Variants in CLPSL1 observed in about 807,000 individuals in gnomAD.
The protein encoded by CLPSL1 is colipase like 1.
Under a neutral mutation model 9.3 loss-of-function variants are expected in CLPSL1, and 13 were observed. The observed-to-expected ratio is 1.40, with a 90% confidence interval of 0.91 to 2.22. The LOEUF is 2.22. Ranked by LOEUF, CLPSL1 falls within the 30% of genes most tolerant of loss-of-function variation. The probability of loss-of-function intolerance (pLI) is 0.00; values close to 1 mark genes in which losing one functional copy is unlikely to be tolerated. For missense variants in CLPSL1, 164 were observed against 146.6 expected, an observed-to-expected ratio of 1.12 and a Z score of -0.61; for synonymous variants, 58 against 56.9, an observed-to-expected ratio of 1.02 and a Z score of -0.08.
intron 1 of CLPSL1, among the ~76,000 whole-genome samples, chr6:35,782,570 G>A (rs1038555691): frequency 1.3e-5 from 2 of 152,246 alleles, no homozygotes; most frequent in Non-Finnish European, 2.9e-5. Flanking sequence ...TCTTCAGCCT[G>A]AGGCAGGAGG....
intron 1 of CLPSL1, among the ~76,000 whole-genome samples, chr6:35,783,806 C>CAAA (rs778575275): frequency 2.8e-4 from 30 of 106,030 alleles, no homozygotes; most frequent in East Asian, 5.3e-4. Context: ...ACTCTATCTC[C>CAAA]AAAAAAAAAA....
downstream of CLPSL1, among the ~76,000 whole-genome samples, chr6:35,790,846 G>C (rs1387577629): frequency 6.6e-6 from 1 of 152,230 alleles, no homozygotes; most frequent in African/African-American, 2.4e-5. Flanking sequence ...TTCTCATCCA[G>C]CCTGGGCAGC....
intron 1 of CLPSL1, among the ~76,000 whole-genome samples, chr6:35,784,697 C>T (rs558740496): frequency 1.3e-5 from 2 of 152,128 alleles, no homozygotes; most frequent in African/African-American, 2.4e-5. Flanking sequence ...CCCAGAGGTT[C>T]GAGACCAACC....
At position 35,788,125 on chromosome 6, in the gene CLPSL1, G is replaced by C; in HGVS notation, c.*115G>C. On this transcript the variant is annotated 3_prime_UTR_variant, in exon 3 of 3. Transcript: ENST00000373861. ...CCATGAGTGGAGGGAAGTGGGGAGT[G>C]ATTGAAATAAAGAGCTTTTTCAATG... 1 of 697,834 alleles carries C rather than the reference G, an allele frequency of 1.4e-6. No individual in the cohort carries two copies. Among genetic ancestry groups the C allele is most frequent in the East Asian group, 5.7e-5 (1 of 17,450 alleles). 43.2% of individuals were successfully genotyped at this position (697,834 alleles called of 1,614,324 possible). A position where few individuals can be genotyped will look rare whatever the true frequency, so the allele number is the denominator to read the frequency against.
chr6:35,788,693 AG>A (rs1461199356), downstream of CLPSL1, among the ~76,000 whole-genome samples: 3 of 151,838 alleles, frequency 2.0e-5, no homozygotes, highest in Non-Finnish European at 4.4e-5. Context: ...CAAGAAAAGA[AG>A]GAAGGAAGGA....
At chr6:35,782,741 C>T (rs1317054105) in intron 1 of CLPSL1, among the ~76,000 whole-genome samples, 3 of 151,588 alleles carry the variant, frequency 2.0e-5, no homozygotes, top group Non-Finnish European at 4.4e-5. Flanking sequence ...AAAGACTCCT[C>T]TAGCTATTCT....
chr6:35,785,946 CAA>C (rs35079833), intron 1 of CLPSL1, among the ~76,000 whole-genome samples: 70 of 110,726 alleles, frequency 6.3e-4, no homozygotes, highest in Admixed American at 1.0e-3. Context: ...GAGACTTTGT[CAA>C]AAAAAAAAAA....
intron 1 of CLPSL1, among the ~76,000 whole-genome samples, chr6:35,785,241 A>G (rs548537027): frequency 6.6e-4 from 94 of 142,632 alleles, no homozygotes; most frequent in Non-Finnish European, 9.6e-4. Context: ...GCAGTGGTGC[A>G]ATCTCAGCTA....
At chr6:35,793,136 G>A (rs548926068), downstream of CLPSL1, among the ~76,000 whole-genome samples, 2 of 152,346 alleles carry the variant, frequency 1.3e-5, no homozygotes, top group South Asian at 4.1e-4. Context: ...ATAAGAAGAG[G>A]GTATGGTCCA....
chr6:35,790,740 G>C (rs1768170383), downstream of CLPSL1, among the ~76,000 whole-genome samples: 1 of 152,258 alleles, frequency 6.6e-6, no homozygotes, highest in African/African-American at 2.4e-5. Context: ...AATTTTCCCT[G>C]GTTTTGAGAA....
At chr6:35,784,410 A>G (rs1291440846) in intron 1 of CLPSL1, among the ~76,000 whole-genome samples, 1 of 152,122 alleles carries the variant, frequency 6.6e-6, no homozygotes, top group Non-Finnish European at 1.5e-5. Context: ...AGGGGTATTA[A>G]TGAGGCATGT....
downstream of CLPSL1, among the ~76,000 whole-genome samples, chr6:35,792,838 G>A (rs1403345575): frequency 6.6e-6 from 1 of 152,378 alleles, no homozygotes; most frequent in African/African-American, 2.4e-5. Context: ...GCGTGACTCA[G>A]CCCTGCTCAG....
At chr6:35,790,862 G>A (rs73729796), downstream of CLPSL1, among the ~76,000 whole-genome samples, 1,397 of 152,204 alleles carry the variant, frequency 9.2e-3, 11 homozygotes, top group African/African-American at 0.031. Flanking sequence ...GCAGCATTGC[G>A]AAACCCTGTG....
At chr6:35,786,098 C>T (rs775115818) in intron 1 of CLPSL1, among the ~76,000 whole-genome samples, 1 of 152,098 alleles carries the variant, frequency 6.6e-6, no homozygotes, top group Non-Finnish European at 1.5e-5. Flanking sequence ...AACCCCGTCT[C>T]TACTAAAAAT....
chr6:35,785,303 A>G (rs2817068), intron 1 of CLPSL1, among the ~76,000 whole-genome samples: 93,229 of 150,356 alleles, frequency 0.62, 28,872 homozygotes, highest in Middle Eastern at 0.7. Flanking sequence ...TCAGCCTCCC[A>G]AGTAGCTGGG....
At chr6:35,789,031 G>T (rs932662484), downstream of CLPSL1, among the ~76,000 whole-genome samples, 3 of 152,272 alleles carry the variant, frequency 2.0e-5, no homozygotes, top group Admixed American at 2.0e-4. Context: ...ACGCCCCCTT[G>T]TAAGTCATAG....
At position 35,784,071 on chromosome 6, in the gene CLPSL1, T is replaced by G. The variant is rs538668813; in HGVS notation, c.99+2862T>G. On this transcript the variant is annotated intron_variant, in intron 1 of 2. Transcript: ENST00000373861. ...TGCTTTTTTTTTGTTTTTTGTTTTT[T>G]GGGGTATAGCTTGCTTTTATACACA... 2.0e-5 allele frequency among the ~76,000 whole-genome samples: 3 copies of G among 152,198 alleles called. No individual in the cohort carries two copies. The South Asian group carries it at 6.2e-4, about 32-fold the overall frequency.
intron 1 of CLPSL1, among the ~76,000 whole-genome samples, chr6:35,786,204 A>G (rs1369540029): frequency 2.0e-5 from 3 of 152,182 alleles, no homozygotes; most frequent in Non-Finnish European, 4.4e-5. Flanking sequence ...GTGAGCCGAA[A>G]TCACGCCACT....
At chr6:35,782,877 C>T (rs1459511196) in intron 1 of CLPSL1, among the ~76,000 whole-genome samples, 7 of 152,098 alleles carry the variant, frequency 4.6e-5, no homozygotes, top group Admixed American at 2.0e-4. Context: ...AGCCAATCCT[C>T]CTTTCCTGCC....
Sources: allele counts gnomAD v4.1 joint callset (sites outside exome capture counted in the v4.1 genomes callset), GRCh38; gene constraint gnomAD v4.1.1; transcripts MANE v1.5; gene names NCBI Gene and HGNC (gene_info 2026-07-23, HGNC 2026-07-21).